PDE4D: variants seen among roughly 807,000 people sequenced by gnomAD.
PDE4D encodes the protein 3',5'-cyclic-AMP phosphodiesterase 4D.
In PDE4D, 24 loss-of-function variants were observed where a neutral mutation model predicts 87.4. The ratio of observed to expected loss-of-function variants is 0.27; its 90% CI spans 0.20 to 0.39. The LOEUF (loss-of-function observed/expected upper bound fraction) is 0.39, where lower values mean the gene tolerates loss of function less well. PDE4D is among the 10% of genes least tolerant of loss of function. PDE4D has a pLI of 1.00. For synonymous variants in PDE4D, 384 were observed against 383.2 expected, an observed-to-expected ratio of 1.00 and a Z score of -0.02; for missense variants, 714 against 1,041.0, an observed-to-expected ratio of 0.69 and a Z score of 4.32.
chr5:60,154,103 T>C (rs1005746680), intron 2 of PDE4D, among the ~76,000 whole-genome samples: 1 of 152,096 alleles, frequency 6.6e-6, no homozygotes, highest in African/African-American at 2.4e-5. Context: ...TCTGGTAAAA[T>C]GTATTTGGCA....
intron 1 of PDE4D, among the ~76,000 whole-genome samples, chr5:59,601,558 T>C (rs533807171): frequency 2.8e-4 from 42 of 152,258 alleles, no homozygotes; most frequent in African/African-American, 9.9e-4. Context: ...TTTAGGTATA[T>C]TCAAATTTAT....
At chr5:60,036,122 T>C (rs1453306825) in intron 2 of PDE4D, among the ~76,000 whole-genome samples, 3 of 152,194 alleles carry the variant, frequency 2.0e-5, no homozygotes, top group Non-Finnish European at 4.4e-5. Flanking sequence ...TTTGGGTTGA[T>C]ATGACACAAA....
At chr5:59,310,364 A>C (rs1772333781) in intron 1 of PDE4D, among the ~76,000 whole-genome samples, 1 of 152,160 alleles carries the variant, frequency 6.6e-6, no homozygotes, top group African/African-American at 2.4e-5. Flanking sequence ...TCTCTGCTTA[A>C]TATTGGGAAG....
At chr5:59,689,936 C>G (rs1228225837) in intron 1 of PDE4D, among the ~76,000 whole-genome samples, 3 of 150,868 alleles carry the variant, frequency 2.0e-5, no homozygotes, top group Non-Finnish European at 3.0e-5. Context: ...AACAGACAAA[C>G]AGCCAAATCC....
At chr5:59,569,557 G>A (rs535810932) in intron 1 of PDE4D, among the ~76,000 whole-genome samples, 12 of 151,910 alleles carry the variant, frequency 7.9e-5, no homozygotes, top group Non-Finnish European at 1.8e-4. Flanking sequence ...TCCTTACTTC[G>A]CCACCTGGAC....
chr5:60,187,287 C>T (rs1298767985), intron 1 of PDE4D, among the ~76,000 whole-genome samples: 3 of 152,022 alleles, frequency 2.0e-5, no homozygotes, highest in African/African-American at 4.8e-5. Flanking sequence ...AATTGAATCA[C>T]CTTTACAAAT....
intron 1 of PDE4D, among the ~76,000 whole-genome samples, chr5:60,244,326 C>G (rs919852409): frequency 3.3e-5 from 5 of 151,890 alleles, no homozygotes; most frequent in Non-Finnish European, 5.9e-5. Context: ...AACGATATCC[C>G]ATGTTCATGG....
intron 1 of PDE4D, among the ~76,000 whole-genome samples, chr5:60,253,725 A>T (rs550054413): frequency 3.9e-5 from 6 of 152,064 alleles, no homozygotes; most frequent in Admixed American, 1.3e-4. Context: ...AATGCCACAT[A>T]CTTCTCATGT....
chr5:59,624,187 C>T (rs1405152501), intron 1 of PDE4D, among the ~76,000 whole-genome samples: 3 of 152,152 alleles, frequency 2.0e-5, no homozygotes, highest in Admixed American at 6.5e-5. Context: ...TGGATCCATG[C>T]ACGCTCTTAA....
chr5:59,413,086 T>C (rs1236764659), intron 1 of PDE4D, among the ~76,000 whole-genome samples: 1 of 152,238 alleles, frequency 6.6e-6, no homozygotes, highest in Non-Finnish European at 1.5e-5. Flanking sequence ...TATTAGACTC[T>C]TCCTGCCCTT....
chr5:59,072,292 C>A (rs1306118988), intron 5 of PDE4D, among the ~76,000 whole-genome samples: 2 of 152,094 alleles, frequency 1.3e-5, no homozygotes, highest in Non-Finnish European at 2.9e-5. Flanking sequence ...TAGTTGGAAG[C>A]TGACTAGGGG....
At chr5:60,044,635 A>C (rs1768981858) in intron 2 of PDE4D, among the ~76,000 whole-genome samples, 1 of 151,446 alleles carries the variant, frequency 6.6e-6, no homozygotes, top group Non-Finnish European at 1.5e-5. Context: ...TGTTCTTGCG[A>C]TAGTTTACTG....
intron 1 of PDE4D, among the ~76,000 whole-genome samples, chr5:59,458,114 A>G (rs1395728059): frequency 6.6e-6 from 1 of 152,178 alleles, no homozygotes; most frequent in Non-Finnish European, 1.5e-5. Flanking sequence ...AAGAACACTC[A>G]GCCATTCTGT....
intron 1 of PDE4D, among the ~76,000 whole-genome samples, chr5:60,261,756 A>G (rs966878639): frequency 6.6e-6 from 1 of 152,140 alleles, no homozygotes; most frequent in African/African-American, 2.4e-5. Flanking sequence ...GTCAAAAATA[A>G]AAGTCTCTTC....
upstream of PDE4D, among the ~76,000 whole-genome samples, chr5:59,898,582 A>G (rs1031776922): frequency 6.6e-6 from 1 of 152,214 alleles, no homozygotes; most frequent in African/African-American, 2.4e-5. Flanking sequence ...CATATGTGTG[A>G]CCATGAATGT....
rs533352398 is a variant in PDE4D, at chr5:59,125,913, G to C, written c.808+54682C>G. Reference sequence around the variant, plus strand: ...TAACCTCATGGGATGGAGCGGGGGAGGGGGCACAAGGAGCCTTGTGTGAAG... The same window carrying C: ...TAACCTCATGGGATGGAGCGGGGGACGGGGCACAAGGAGCCTTGTGTGAAG... On this transcript the variant is annotated intron_variant, in intron 5 of 14. Transcript: ENST00000340635. 3.3e-5 allele frequency among the ~76,000 whole-genome samples: 5 copies of C among 152,132 alleles called. No individual in the cohort carries two copies. In the South Asian group the frequency reaches 1.0e-3, roughly 32 times the overall value.
At chr5:60,285,764 A>G (rs1243529870) in intron 1 of PDE4D, among the ~76,000 whole-genome samples, 1 of 152,212 alleles carries the variant, frequency 6.6e-6, no homozygotes, top group Non-Finnish European at 1.5e-5. Context: ...TCCCAAATTC[A>G]TCAAATATGG....
At position 59,797,782 on chromosome 5, in the gene PDE4D, T is replaced by C. The variant is rs1459074710; in HGVS notation, c.455+95386A>G. On this transcript the variant is annotated intron_variant, in intron 1 of 14. Transcript: ENST00000340635. ...TCTCTTCATAGGGATTATTGGAGCC[T>C]AGAAGAGTGCATGGACACTTTTCAT... Among the ~76,000 whole-genome samples, 6 of 152,288 alleles carry C rather than the reference T, an allele frequency of 3.9e-5. No homozygotes were observed. In the South Asian group the frequency reaches 1.2e-3, roughly 32 times the overall value.
intron 1 of PDE4D, chr5:59,587,367 C>G: frequency 2.4e-6 from 2 of 821,012 alleles, no homozygotes; most frequent in Non-Finnish European, 2.9e-6. Context: ...TTGTTTTTCA[C>G]CCCAAATTCA....
Sources: allele counts gnomAD v4.1 joint callset (sites outside exome capture counted in the v4.1 genomes callset), GRCh38; gene constraint gnomAD v4.1.1; transcripts MANE v1.5; gene names NCBI Gene and HGNC (gene_info 2026-07-23, HGNC 2026-07-21).